Variants in DMD observed in about 807,000 individuals in gnomAD.
The protein encoded by DMD is mutant dystrophin.
In DMD, 63 loss-of-function variants were observed where a neutral mutation model predicts 330.1. That is an observed-to-expected ratio of 0.19 (90% CI 0.16 to 0.24). The LOEUF (loss-of-function observed/expected upper bound fraction) is 0.24, where lower values mean the gene tolerates loss of function less well. Ranked by LOEUF, DMD falls within the 10% of genes least tolerant of loss-of-function variation. The probability of loss-of-function intolerance (pLI) is 1.00; values close to 1 mark genes in which losing one functional copy is unlikely to be tolerated. For synonymous variants in DMD, 1,223 were observed against 959.8 expected (o/e 1.27, Z -5.07); for missense variants, 3,344 against 2,684.1 (o/e 1.25, Z -5.43).
chrX:31,904,080 C>T (rs2094451800), intron 47 of DMD, among the ~76,000 whole-genome samples: 1 of 111,518 alleles, frequency 9.0e-6, no homozygotes, highest in African/African-American at 3.3e-5. Context: ...CAGCCTTATA[C>T]TATCTCTTAG....
At chrX:32,005,675 G>C (rs976393848) in intron 44 of DMD, among the ~76,000 whole-genome samples, 2 of 110,327 alleles carry the variant, frequency 1.8e-5, no homozygotes, top group African/African-American at 6.6e-5. Flanking sequence ...AAAAAATAAA[G>C]AATATTACCA....
chrX:32,512,269 T>C (rs1309047560), intron 18 of DMD, among the ~76,000 whole-genome samples: 1 of 111,940 alleles, frequency 8.9e-6, no homozygotes, highest in Non-Finnish European at 1.9e-5. Context: ...ATTATGAAAA[T>C]AAGTTATGGA....
intron 17 of DMD, among the ~76,000 whole-genome samples, chrX:32,534,309 A>G (rs1194703943): frequency 9.0e-6 from 1 of 111,421 alleles, no homozygotes; most frequent in Non-Finnish European, 1.9e-5. Flanking sequence ...CAGTGCTGGA[A>G]ATGGGGCCTG....
intron 7 of DMD, among the ~76,000 whole-genome samples, chrX:32,801,513 T>C (rs188117797): frequency 8.9e-6 from 1 of 112,232 alleles, no homozygotes; most frequent in African/African-American, 3.2e-5. Flanking sequence ...AGCTATTTAG[T>C]AAGATCTCAT....
At chrX:33,135,393 C>T (rs1193804700) in intron 1 of DMD, among the ~76,000 whole-genome samples, 1 of 111,702 alleles carries the variant, frequency 9.0e-6, no homozygotes, top group African/African-American at 3.3e-5. Context: ...TACATCTGCT[C>T]AAAAATTTTA....
At chrX:32,693,439 A>C (rs1052752765) in intron 9 of DMD, among the ~76,000 whole-genome samples, 4 of 111,743 alleles carry the variant, frequency 3.6e-5, no homozygotes, top group Non-Finnish European at 7.5e-5. Context: ...GTGGCCATCA[A>C]CTATTCAGGG....
intron 44 of DMD, among the ~76,000 whole-genome samples, chrX:32,130,298 C>T (rs1321643963): frequency 9.0e-6 from 1 of 111,607 alleles, no homozygotes; most frequent in African/African-American, 3.3e-5. Flanking sequence ...GAGTGTTACA[C>T]ACAATTATTA....
intron 49 of DMD, among the ~76,000 whole-genome samples, chrX:31,823,349 TTTC>T (rs2092816323): frequency 8.9e-6 from 1 of 112,410 alleles, no homozygotes; most frequent in Non-Finnish European, 1.9e-5. Context: ...TGTACGATGT[TTTC>T]TTTATATCCA....
chrX:31,194,588 G>GC (rs1667544837), intron 67 of DMD, among the ~76,000 whole-genome samples: 1 of 112,371 alleles, frequency 8.9e-6, no homozygotes, highest in Admixed American at 9.4e-5. Context: ...AGAGCGAAAA[G>GC]CAACCATGGA....
chrX:33,312,023 G>T (rs749319710), intron 1 of DMD, among the ~76,000 whole-genome samples: 1 of 109,057 alleles, frequency 9.2e-6, no homozygotes, highest in African/African-American at 3.3e-5. Context: ...TTTAGCAAGA[G>T]AATTTATTCT....
At chrX:33,011,988 G>T (rs192373093) in intron 2 of DMD, among the ~76,000 whole-genome samples, 1 of 111,527 alleles carries the variant, frequency 9.0e-6, no homozygotes, top group Non-Finnish European at 1.9e-5. Flanking sequence ...CAATTTTCTT[G>T]TATCAGGACA....
intron 2 of DMD, among the ~76,000 whole-genome samples, chrX:32,857,181 CTGT>C (rs2081645123): frequency 8.9e-6 from 1 of 112,284 alleles, no homozygotes; most frequent in Admixed American, 9.4e-5. Flanking sequence ...CTTCGCATGC[CTGT>C]ATCAATATAT....
At position 31,569,823 on chromosome X, in the gene DMD, T is replaced by A. The variant is rs188754144; in HGVS notation, c.8217+57850A>T. Among the ~76,000 whole-genome samples, 415 of 108,696 alleles carry A rather than the reference T, an allele frequency of 3.8e-3. 1 individual carries two copies. Among genetic ancestry groups the A allele is most frequent in the Non-Finnish European group, 5.7e-3 (299 of 52,085 alleles). 94.4% of individuals were successfully genotyped at this position (108,696 alleles called of 115,157 possible). ...TCACAATTTTGTCTCTTTAGAAATG[T>A]AGCCTTATATAAAATACAGACATAA... is the stretch of plus-strand genomic sequence containing the variant. On this transcript the variant is annotated intron_variant, in intron 55 of 78. Transcript: ENST00000357033.
At chrX:31,305,848 C>T (rs967718004) in intron 62 of DMD, among the ~76,000 whole-genome samples, 9 of 112,530 alleles carry the variant, frequency 8.0e-5, no homozygotes, top group Non-Finnish European at 1.7e-4. Context: ...TTTCAGCAAC[C>T]TTCTTATTAG....
At position 32,971,443 on chromosome X, in the gene DMD, G is replaced by A. The variant is rs186971134; in HGVS notation, c.93+48696C>T. 1.7e-3 allele frequency among the ~76,000 whole-genome samples: 184 copies of A among 110,595 alleles called. 1 individual carries two copies. Among genetic ancestry groups the A allele is most frequent in the South Asian group, 0.011 (28 of 2,608 alleles). On this transcript the variant is annotated intron_variant, in intron 2 of 78. Transcript: ENST00000357033. ...GAAGAAAAAACAGTCACTTTGGGCC[G>A]AAAATTTCAGGGAAAAAAACCCTTA...
rs764882914 is a variant in DMD, at chrX:31,404,726, A to G, written c.9084+39755T>C. On this transcript the variant is annotated intron_variant, in intron 60 of 78. Transcript: ENST00000357033. ...TTTACACTTAAATACAGAAAATGCAAAAGACACTATGTACATAGGAGGAAA... is the reference window on the plus strand; with the variant it reads ...TTTACACTTAAATACAGAAAATGCAGAAGACACTATGTACATAGGAGGAAA... 8.9e-5 allele frequency among the ~76,000 whole-genome samples: 10 copies of G among 112,277 alleles called. No homozygotes were observed. In the South Asian group the frequency reaches 3.7e-3, roughly 41 times the overall value.
chrX:33,176,987 G>A (rs2049703547), intron 1 of DMD, among the ~76,000 whole-genome samples: 1 of 111,827 alleles, frequency 8.9e-6, no homozygotes, highest in African/African-American at 3.3e-5. Context: ...CTGTGTGAAG[G>A]GGACAGTTTA....
At chrX:31,641,000 A>G (rs1014502191) in intron 54 of DMD, among the ~76,000 whole-genome samples, 3 of 111,866 alleles carry the variant, frequency 2.7e-5, no homozygotes, top group African/African-American at 9.8e-5. Flanking sequence ...TGAATCTAGA[A>G]AAGTGGGAAA....
At chrX:32,555,269 T>A (rs2050170964) in intron 16 of DMD, among the ~76,000 whole-genome samples, 1 of 111,096 alleles carries the variant, frequency 9.0e-6, no homozygotes, top group Non-Finnish European at 1.9e-5. Context: ...TGTTAAAAAT[T>A]CTCAATAAAC....
Sources: allele counts gnomAD v4.1 joint callset (sites outside exome capture counted in the v4.1 genomes callset), GRCh38; gene constraint gnomAD v4.1.1; transcripts MANE v1.5; gene names NCBI Gene and HGNC (gene_info 2026-07-23, HGNC 2026-07-21).